NMNAT2: variants seen among roughly 807,000 people sequenced by gnomAD.
The protein encoded by NMNAT2 is nicotinamide nucleotide adenylyltransferase 2, also known as nicotinamide/nicotinic acid mononucleotide adenylyltransferase 2.
A neutral mutation model predicts 41.6 loss-of-function variants in NMNAT2; 11 were observed. That is an observed-to-expected ratio of 0.26 (90% CI 0.17 to 0.44). NMNAT2 has a LOEUF of 0.44. Among genes scored for constraint, NMNAT2 ranks in the 20% least tolerant of loss-of-function variants. NMNAT2 has a pLI of 1.00. For synonymous variants in NMNAT2, 148 were observed against 151.2 expected (o/e 0.98, Z 0.16); for missense variants, 288 against 407.7 (o/e 0.71, Z 2.53).
At chr1:183,327,646 A>G (rs1364526299) in intron 1 of NMNAT2, among the ~76,000 whole-genome samples, 1 of 152,228 alleles carries the variant, frequency 6.6e-6, no homozygotes. Context: ...GAGTGGTTGA[A>G]GAAGAGCAGG....
chr1:183,341,724 C>CGAAAAAAAAA (rs1557883660), intron 1 of NMNAT2, among the ~76,000 whole-genome samples: 2 of 15,822 alleles, frequency 1.3e-4, no homozygotes, highest in South Asian at 3.5e-3. Flanking sequence ...CAAACAAACA[C>CGAAAAAAAAA]CAAAAAAAAA....
intron 1 of NMNAT2, among the ~76,000 whole-genome samples, chr1:183,320,980 T>G (rs1278568587): frequency 6.6e-6 from 1 of 152,222 alleles, no homozygotes; most frequent in Non-Finnish European, 1.5e-5. Flanking sequence ...TCTAGTCCTT[T>G]CTGTGTCTTT....
chr1:183,342,962 G>C (rs1184194263), intron 1 of NMNAT2, among the ~76,000 whole-genome samples: 1 of 151,616 alleles, frequency 6.6e-6, no homozygotes, highest in East Asian at 1.9e-4. Context: ...TTGTTACCCA[G>C]GCTGGCCTCA....
intron 1 of NMNAT2, among the ~76,000 whole-genome samples, chr1:183,373,686 C>T (rs904599370): frequency 2.7e-5 from 4 of 150,922 alleles, no homozygotes; most frequent in African/African-American, 4.9e-5. Context: ...GGTGCCATCT[C>T]GGCTCACTGC....
intron 1 of NMNAT2, among the ~76,000 whole-genome samples, chr1:183,376,263 A>C (rs1400901345): frequency 6.6e-6 from 1 of 152,200 alleles, no homozygotes; most frequent in Non-Finnish European, 1.5e-5. Flanking sequence ...GTCACATTTG[A>C]GGGTAAAATT....
chr1:183,297,425 C>T (rs1661731630), intron 1 of NMNAT2, among the ~76,000 whole-genome samples: 1 of 150,748 alleles, frequency 6.6e-6, no homozygotes, highest in Non-Finnish European at 1.5e-5. Context: ...TCTTGTTGCC[C>T]AGGCTGGAGT....
At chr1:183,411,533 A>G (rs1418448726) in intron 1 of NMNAT2, among the ~76,000 whole-genome samples, 1 of 151,866 alleles carries the variant, frequency 6.6e-6, no homozygotes, top group Non-Finnish European at 1.5e-5. Flanking sequence ...GAAACTCCTG[A>G]CCTCAAGTGA....
chr1:183,254,364 T>C (rs899724293), intron 10 of NMNAT2, among the ~76,000 whole-genome samples: 4 of 152,208 alleles, frequency 2.6e-5, no homozygotes, highest in Non-Finnish European at 5.9e-5. Flanking sequence ...TTTATGCACC[T>C]GTTAGCAATT....
intron 1 of NMNAT2, among the ~76,000 whole-genome samples, chr1:183,334,814 G>A (rs1194675764): frequency 6.6e-6 from 1 of 152,144 alleles, no homozygotes; most frequent in African/African-American, 2.4e-5. Context: ...CTGGCCCAAG[G>A]CCACCCATTC....
chr1:183,282,485 C>T (rs994015837), intron 7 of NMNAT2, among the ~76,000 whole-genome samples: 21 of 152,208 alleles, frequency 1.4e-4, no homozygotes, highest in African/African-American at 4.3e-4. Context: ...CTGCCCCAGG[C>T]GCTAGGAAGG....
intron 8 of NMNAT2, among the ~76,000 whole-genome samples, chr1:183,263,762 C>A (rs909055936): frequency 6.6e-6 from 1 of 152,160 alleles, no homozygotes; most frequent in South Asian, 2.1e-4. Flanking sequence ...GAGCTGAGAT[C>A]GCGCCACTGC....
chr1:183,325,162 AT>A (rs2102333307), intron 1 of NMNAT2, among the ~76,000 whole-genome samples: 1 of 152,304 alleles, frequency 6.6e-6, no homozygotes, highest in South Asian at 2.1e-4. Context: ...GAGGAAGTGA[AT>A]TTAGCCCAGC....
At chr1:183,395,231 C>T (rs1410464120) in intron 1 of NMNAT2, among the ~76,000 whole-genome samples, 1 of 151,990 alleles carries the variant, frequency 6.6e-6, no homozygotes, top group African/African-American at 2.4e-5. Flanking sequence ...TACATCTGAC[C>T]AGAGTTTAAC....
At chr1:183,389,772 G>C (rs988171757) in intron 1 of NMNAT2, among the ~76,000 whole-genome samples, 1 of 41,872 alleles carries the variant, frequency 2.4e-5, no homozygotes, top group Non-Finnish European at 4.9e-5. Flanking sequence ...AAGAAAGAAA[G>C]AAAGAAAGAA....
chr1:183,379,985 A>G (rs1663767568), intron 1 of NMNAT2, among the ~76,000 whole-genome samples: 2 of 152,230 alleles, frequency 1.3e-5, no homozygotes, highest in Non-Finnish European at 2.9e-5. Flanking sequence ...TCTTAATTGT[A>G]CTTCGATGTT....
intron 1 of NMNAT2, among the ~76,000 whole-genome samples, chr1:183,327,731 G>T (rs1463804974): frequency 6.6e-6 from 1 of 152,194 alleles, no homozygotes; most frequent in Non-Finnish European, 1.5e-5. Context: ...GGACATTTCT[G>T]AGTCACTTGG....
chr1:183,297,888 C>A (rs1369872625), intron 1 of NMNAT2, among the ~76,000 whole-genome samples: 2 of 152,072 alleles, frequency 1.3e-5, no homozygotes, highest in Non-Finnish European at 2.9e-5. Flanking sequence ...TCCAGGGATA[C>A]AAGGCTGTTT....
Position 183,280,775 on chromosome 1 carries a change from A to AT in NMNAT2, c.575-2147dup, listed in dbSNP as rs138238837. On this transcript the variant is annotated intron_variant, in intron 7 of 10. Coordinates refer to ENST00000287713, the MANE Select transcript of NMNAT2 (RefSeq NM_015039.4). ...CATCAGCTATTGTTAGTGTTAGTGT[A>AT]TTTTTTTTTTTTTTTTTTTTTTTTT... is the stretch of plus-strand genomic sequence containing the variant. Among the ~76,000 whole-genome samples the AT allele has an allele frequency of 2.8e-3, 173 of 60,974 alleles. 14 individuals carry two copies. The highest frequency in any genetic ancestry group is 0.012 in the African/African-American group (171 of 13,870). 40.0% of individuals were successfully genotyped at this position (60,974 alleles called of 152,430 possible).
intron 1 of NMNAT2, among the ~76,000 whole-genome samples, chr1:183,391,325 C>T (rs1025312010): frequency 2.0e-5 from 3 of 152,192 alleles, no homozygotes; most frequent in African/African-American, 7.2e-5. Flanking sequence ...TCTGTATTCT[C>T]TACTCTTCTA....
Sources: gnomAD v4.1 joint callset for allele counts (sites outside exome capture counted in the v4.1 genomes callset) on GRCh38, gnomAD v4.1.1 for gene constraint, MANE v1.5 for transcripts, NCBI Gene and HGNC (gene_info 2026-07-23, HGNC 2026-07-21) for gene names.